Variants in PYGB observed in about 807,000 individuals in gnomAD.
PYGB encodes glycogen phosphorylase B.
In PYGB, 82 loss-of-function variants were observed where a neutral mutation model predicts 94.3. That is an observed-to-expected ratio of 0.87 (90% CI 0.73 to 1.04). PYGB has a LOEUF of 1.04. Among genes scored for constraint, PYGB ranks in the 50% least tolerant of loss-of-function variants. PYGB has a pLI of 0.00. For missense variants in PYGB, 1,132 were observed against 1,158.2 expected (o/e 0.98, Z 0.33); for synonymous variants, 488 against 479.1 (o/e 1.02, Z -0.24).
At chr20:25,267,691 C>T (rs915347484) in intron 2 of PYGB, among the ~76,000 whole-genome samples, 1 of 152,140 alleles carries the variant, frequency 6.6e-6, no homozygotes, top group African/African-American at 2.4e-5. Flanking sequence ...CCACCGTACC[C>T]AGCTAATTTA....
chr20:25,280,052 C>T (rs552914748), intron 9 of PYGB, among the ~76,000 whole-genome samples: 1 of 152,258 alleles, frequency 6.6e-6, no homozygotes, highest in South Asian at 2.1e-4. Context: ...TAATGTCACA[C>T]TTCAGTGGGT....
intron 2 of PYGB, among the ~76,000 whole-genome samples, chr20:25,265,447 A>G (rs1273957503): frequency 6.6e-6 from 1 of 152,108 alleles, no homozygotes; most frequent in Non-Finnish European, 1.5e-5. Flanking sequence ...GGTATGTTAT[A>G]GTTTTTATTT....
chr20:25,288,894 G>A (rs1268732646), intron 15 of PYGB, among the ~76,000 whole-genome samples: 3 of 152,166 alleles, frequency 2.0e-5, no homozygotes, highest in East Asian at 1.9e-4. Context: ...TGCTGTCATC[G>A]AGTCCCAGGT....
At position 25,261,976 on chromosome 20, in the gene PYGB, T is replaced by C. The variant is rs150744117; in HGVS notation, c.345+2638T>C. 4.1e-3 allele frequency among the ~76,000 whole-genome samples: 622 copies of C among 152,216 alleles called. 5 individuals are homozygous for C. Among genetic ancestry groups the C allele is most frequent in the African/African-American group, 0.014 (591 of 41,514 alleles). Reference sequence around the variant, plus strand: ...ACAAAGCCTCCAAGAAATATGGGACTATGTGAAGAGACCAATCTACGGCTG... The same window carrying C: ...ACAAAGCCTCCAAGAAATATGGGACCATGTGAAGAGACCAATCTACGGCTG... On this transcript the variant is annotated intron_variant, in intron 2 of 19. Transcript: ENST00000216962.
At chr20:25,254,602 G>T (rs557026153) in intron 1 of PYGB, among the ~76,000 whole-genome samples, 11 of 152,170 alleles carry the variant, frequency 7.2e-5, no homozygotes, top group Non-Finnish European at 1.5e-4. Context: ...TTTAGGTATA[G>T]GTAAGTGGCA....
At position 25,296,399 on chromosome 20, in the gene PYGB, C is replaced by G. The variant is rs746528562; in HGVS notation, c.2409C>G (p.Ile803Met). 3 of 1,613,972 alleles carry G rather than the reference C, an allele frequency of 1.9e-6. No individual in the cohort carries two copies. Among genetic ancestry groups the G allele is most frequent in the Non-Finnish European group, 1.7e-6 (2 of 1,180,042 alleles). ...RNPKEWTKKV[I>M]RNIACSGKFS... ...CCAAGGAGTGGACCAAGAAGGTCAT[C>G]AGGAACATCGCCTGCTCGGGCAAGT... Residue 803 changes from isoleucine to methionine, a missense_variant, in exon 20 of 20, where the codon ATC becomes ATG. Transcript: ENST00000216962.
Position 25,296,389 on chromosome 20 carries a change from A to G in PYGB, c.2399A>G (p.Lys800Arg). The G allele has an allele frequency of 1.9e-6, 3 of 1,614,112 alleles. No individual in the cohort carries two copies. In the Middle Eastern group the frequency reaches 4.9e-4, roughly 266 times the overall value. The change falls in exon 20 of 20, where the codon AAG becomes AGG. Residue 800 changes from lysine to arginine, a missense_variant. Lys to Arg is a conservative substitution (Grantham distance 26, BLOSUM62 2). Transcript: ENST00000216962. ...CTGCAGAACCCCAAGGAGTGGACCA[A>G]GAAGGTCATCAGGAACATCGCCTGC... ...QLYRNPKEWT[K>R]KVIRNIACSG...
Position 25,267,456 on chromosome 20 carries a change from T to G in PYGB, c.346-1673T>G, listed in dbSNP as rs539813371. 1.2e-4 allele frequency among the ~76,000 whole-genome samples: 18 copies of G among 152,380 alleles called. No individual in the cohort carries two copies. The East Asian group carries it at 3.3e-3, about 28-fold the overall frequency. On this transcript the variant is annotated intron_variant, in intron 2 of 19. Transcript: ENST00000216962. The stretch of plus-strand genomic sequence containing the variant: ...AAGAGATAAAGGTTATTGGGTGTAC[T>G]GCAGTGCTCTTTTTCTGTCTTCAGT...
At chr20:25,296,333 G>A in intron 19 of PYGB, 37 bp from the exon 20 acceptor site, 1 of 1,612,618 alleles carries the variant, frequency 6.2e-7, no homozygotes, top group African/African-American at 1.3e-5. Flanking sequence ...CCCAAGCCCT[G>A]TGACGCCAGA....
intron 17 of PYGB, chr20:25,293,758 A>C: frequency 3.5e-6 from 1 of 283,356 alleles, no homozygotes; most frequent in Non-Finnish European, 6.8e-6. Context: ...TCGAGGTCCC[A>C]GCCAAGGTGC....
chr20:25,253,252 C>G (rs2092893296), intron 1 of PYGB, among the ~76,000 whole-genome samples: 1 of 152,224 alleles, frequency 6.6e-6, no homozygotes, highest in African/African-American at 2.4e-5. Flanking sequence ...TGGCCTTGCA[C>G]TTCAGAATCA....
Position 25,266,648 on chromosome 20 carries a change from C to T in PYGB, c.346-2481C>T, listed in dbSNP as rs761725714. Among the ~76,000 whole-genome samples the T allele has an allele frequency of 4.8e-4, 73 of 151,954 alleles. 1 individual carries two copies. The highest frequency in any genetic ancestry group is 4.1e-3 in the Admixed American group (62 of 15,246). ...CTAAATCTGATAAGAGTCTAGTATC[C>T]AGAATATATGTAAAGAACTCTGACA... On this transcript the variant is annotated intron_variant, in intron 2 of 19. Coordinates refer to ENST00000216962, the MANE Select transcript of PYGB (RefSeq NM_002862.4).
chr20:25,278,807 C>T (rs2088338232), intron 8 of PYGB, among the ~76,000 whole-genome samples: 1 of 152,244 alleles, frequency 6.6e-6, no homozygotes, highest in Non-Finnish European at 1.5e-5. Flanking sequence ...GGCTGCAGCA[C>T]ATACCCGCAG....
In PYGB at chr20:25,296,662, C is replaced by T; in HGVS notation, c.*140C>T. The T allele has an allele frequency of 8.4e-7, 1 of 1,189,762 alleles. No homozygotes were observed. Among genetic ancestry groups the T allele is most frequent in the Non-Finnish European group, 1.1e-6 (1 of 870,060 alleles). 73.7% of individuals were successfully genotyped at this position (1,189,762 alleles called of 1,614,324 possible). ...TGTTTCCAGGAGGGGCCATGGGGGT[C>T]AGGGTGGTTTTGAGAGAGCAGGGTA... On this transcript the variant is annotated 3_prime_UTR_variant, in exon 20 of 20. Coordinates refer to ENST00000216962, the MANE Select transcript of PYGB (RefSeq NM_002862.4).
At chr20:25,253,723 C>T (rs929044473) in intron 1 of PYGB, among the ~76,000 whole-genome samples, 1 of 152,064 alleles carries the variant, frequency 6.6e-6, no homozygotes, top group Non-Finnish European at 1.5e-5. Context: ...GATTTCAGAC[C>T]CTTAAAAAGT....
At chr20:25,265,660 T>C (rs955532930) in intron 2 of PYGB, among the ~76,000 whole-genome samples, 4 of 150,840 alleles carry the variant, frequency 2.7e-5, no homozygotes, top group African/African-American at 9.8e-5. Flanking sequence ...AGTGGCGTGA[T>C]CTCGGCTCAC....
chr20:25,270,352 G>A (rs6050507), intron 3 of PYGB, among the ~76,000 whole-genome samples: 9,789 of 151,568 alleles, frequency 0.065, 970 homozygotes, highest in African/African-American at 0.22. Flanking sequence ...ACAGGTGCCC[G>A]CCACCATGCC....
intron 4 of PYGB, among the ~76,000 whole-genome samples, chr20:25,274,040 A>G (rs1477514720): frequency 1.3e-5 from 2 of 152,166 alleles, no homozygotes; most frequent in Non-Finnish European, 2.9e-5. Flanking sequence ...AATGTCTTCT[A>G]GTGATTCTTC....
chr20:25,283,055 G>C, intron 12 of PYGB, 121 bp from the exon 13 acceptor site: 2 of 819,352 alleles, frequency 2.4e-6, no homozygotes, highest in South Asian at 3.2e-5. Flanking sequence ...CGGAGGGGCC[G>C]GACAAGCAGA....
Sources: gnomAD v4.1 joint callset for allele counts (sites outside exome capture counted in the v4.1 genomes callset) on GRCh38, gnomAD v4.1.1 for gene constraint, MANE v1.5 for transcripts, NCBI Gene and HGNC (gene_info 2026-07-23, HGNC 2026-07-21) for gene names.